The following PCNA variants were observed in gnomAD, a reference collection of about 807,000 sequenced individuals.
PCNA encodes proliferating cell nuclear antigen.
Under a neutral mutation model 27.8 loss-of-function variants are expected in PCNA, and 4 were observed. The observed-to-expected ratio is 0.14, with a 90% confidence interval of 0.07 to 0.33. PCNA has a LOEUF of 0.33. PCNA is among the 10% of genes least tolerant of loss of function. PCNA has a pLI of 1.00. For synonymous variants in PCNA, 121 were observed against 119.4 expected (o/e 1.01, Z -0.09); for missense variants, 165 against 327.4 (o/e 0.50, Z 3.83).
At chr20:5,124,715 T>C (rs1022286678), upstream of PCNA, among the ~76,000 whole-genome samples, 7 of 152,046 alleles carry the variant, frequency 4.6e-5, no homozygotes, top group Non-Finnish European at 7.4e-5. Context: ...TAAAGCCCTA[T>C]TAGCATCACT....
chr20:5,124,322 C>T (rs2090532991), upstream of PCNA, among the ~76,000 whole-genome samples: 3 of 152,080 alleles, frequency 2.0e-5, no homozygotes, highest in South Asian at 6.2e-4. Context: ...GGGGCATTTA[C>T]CAAGATCAAG....
Position 5,117,485 on chromosome 20 carries a change from A to G in PCNA, c.567T>C (p.Asp189=). The part of the protein sequence containing the change: ...NIKLSQTSNV[D]KEEEAVTIEM... ...AACTACTTACAGCTTCCTCCTCTTTATCGACATTACTTGTCTGTGACAATT... is the reference window on the plus strand; with the variant it reads ...AACTACTTACAGCTTCCTCCTCTTTGTCGACATTACTTGTCTGTGACAATT... Residue 189 remains aspartate (D), a synonymous_variant, in exon 4 of 6, where the codon GAT becomes GAC. Coordinates refer to ENST00000379143, the MANE Select transcript of PCNA (RefSeq NM_182649.2). 6.2e-7 allele frequency: 1 copy of G among 1,611,838 alleles called. No individual in the cohort carries two copies. The highest frequency in any genetic ancestry group is 8.5e-7 in the Non-Finnish European group (1 of 1,178,786).
At chr20:5,119,261 A>G (rs1600449154) in intron 1 of PCNA, among the ~76,000 whole-genome samples, 2 of 152,278 alleles carry the variant, frequency 1.3e-5, no homozygotes, top group East Asian at 3.9e-4. Flanking sequence ...GCCACAGCTA[A>G]AGCGTCCATT....
At chr20:5,123,744 TAAAG>T (rs1442577082), upstream of PCNA, among the ~76,000 whole-genome samples, 3 of 151,028 alleles carry the variant, frequency 2.0e-5, no homozygotes, top group East Asian at 3.9e-4. Flanking sequence ...AAATTCTAGA[TAAAG>T]AATTCAAATT....
At chr20:5,121,339 ATCTCC>A (rs1437338587), upstream of PCNA, 1 of 147,482 alleles carries the variant, frequency 6.8e-6, no homozygotes, top group Non-Finnish European at 1.5e-5. Context: ...GGCTTCAAAT[ATCTCC>A]TCTCCTTAGT....
At chr20:5,120,359 C>T (rs942637682), upstream of PCNA, among the ~76,000 whole-genome samples, 1 of 152,228 alleles carries the variant, frequency 6.6e-6, no homozygotes, top group Non-Finnish European at 1.5e-5. Flanking sequence ...AGTACAGCTG[C>T]TGCAAATATG....
In PCNA at chr20:5,119,921, A is replaced by T; in HGVS notation, c.-123T>A. The T allele has an allele frequency of 2.8e-6, 2 of 727,200 alleles. No homozygotes were observed. The highest frequency in any genetic ancestry group is 2.3e-6 in the Non-Finnish European group (1 of 431,398). 45.0% of individuals were successfully genotyped at this position (727,200 alleles called of 1,614,324 possible). On this transcript the variant is annotated 5_prime_UTR_variant, in exon 1 of 6. Coordinates refer to ENST00000379143, the MANE Select transcript of PCNA (RefSeq NM_182649.2). ...CGCGACGACCGGCTGAGACCTAGAA[A>T]GACAACGACCACTCTGCTACGCCTG...
chr20:5,120,895 C>T (rs2090514213), upstream of PCNA, among the ~76,000 whole-genome samples: 1 of 152,200 alleles, frequency 6.6e-6, no homozygotes, highest in African/African-American at 2.4e-5. Context: ...CAACCTCCGC[C>T]TCCCAGGTTC....
At position 5,115,413 on chromosome 20, in the gene PCNA, C is replaced by T. The variant is rs750897740; in HGVS notation, c.706+36G>A. On this transcript the variant is annotated intron_variant, in intron 5 of 5. Transcript: ENST00000379143. ...ACTGAGGAGTATGTATCACATATGACTACCTACAAAACAAGGTTCAAATTT... is the reference window on the plus strand; with the variant it reads ...ACTGAGGAGTATGTATCACATATGATTACCTACAAAACAAGGTTCAAATTT... 8.1e-6 allele frequency: 13 copies of T among 1,613,740 alleles called. No homozygotes were observed. The South Asian group carries it at 1.4e-4, about 18-fold the overall frequency.
At chr20:5,116,706 G>A (rs1354643819) in intron 4 of PCNA, among the ~76,000 whole-genome samples, 1 of 152,158 alleles carries the variant, frequency 6.6e-6, no homozygotes, top group Non-Finnish European at 1.5e-5. Flanking sequence ...AGGCTGGAGG[G>A]GAGTGGCATG....
chr20:5,124,346 GT>G (rs1270103507), upstream of PCNA, among the ~76,000 whole-genome samples: 2 of 152,122 alleles, frequency 1.3e-5, no homozygotes, highest in Non-Finnish European at 2.9e-5. Flanking sequence ...GCTTAAGAAT[GT>G]TTCTTGAGCC....
At chr20:5,124,233 G>A (rs906206464), upstream of PCNA, among the ~76,000 whole-genome samples, 1 of 152,152 alleles carries the variant, frequency 6.6e-6, no homozygotes, top group East Asian at 1.9e-4. Flanking sequence ...TTAGAAATGT[G>A]TATCAAAAGC....
chr20:5,122,869 A>G (rs1343169160), upstream of PCNA, among the ~76,000 whole-genome samples: 2 of 152,246 alleles, frequency 1.3e-5, no homozygotes, highest in African/African-American at 4.8e-5. Flanking sequence ...CACCATGTAC[A>G]TCAATCTGTT....
intron 3 of PCNA, 103 bp downstream of exon 3, chr20:5,118,507 G>A (rs2090491959): frequency 2.4e-6 from 2 of 832,214 alleles, no homozygotes; most frequent in Non-Finnish European, 3.9e-6. Flanking sequence ...CTCCAGCCTG[G>A]GCAACAGAGC....
chr20:5,124,795 G>A (rs1297533554), upstream of PCNA, among the ~76,000 whole-genome samples: 3 of 152,140 alleles, frequency 2.0e-5, no homozygotes, highest in Admixed American at 1.3e-4. Context: ...CCATTAACCT[G>A]AGAGGGCTGA....
chr20:5,118,655 A>G lies in PCNA; in HGVS notation c.342T>C (p.Tyr114=), dbSNP rs200835034. The G allele has an allele frequency of 4.3e-6, 7 of 1,613,802 alleles. No individual in the cohort carries two copies. Among genetic ancestry groups the G allele is most frequent in the African/African-American group, 1.3e-5 (1 of 75,056 alleles). ...CATCTAAATCCATCAACTTCATTTC[A>G]TAGTCTGAAACTTTCTCCTGGTCTA... The part of the protein sequence containing the change: ...EAPNQEKVSD[Y]EMKLMDLDVE... The change falls in exon 3 of 6, where the codon TAT becomes TAC. Residue 114 remains tyrosine, a synonymous_variant. Transcript: ENST00000379143.
In PCNA at chr20:5,115,088, C is replaced by T. The variant is rs2090466064; in HGVS notation, c.*195G>A. 2 of 489,266 alleles carry T rather than the reference C, an allele frequency of 4.1e-6. No homozygotes were observed. Among genetic ancestry groups the T allele is most frequent in the Admixed American group, 3.7e-5 (1 of 26,858 alleles). The allele number at this position is 489,266 out of a possible 1,614,324, so 30.3% of individuals were successfully genotyped here. ...AAAAATACTTCTAGGTTAACTAGAC[C>T]AGATCTGACTTTGGACTTTATTCTT... On this transcript the variant is annotated 3_prime_UTR_variant, in exon 6 of 6. Coordinates refer to ENST00000379143, the MANE Select transcript of PCNA (RefSeq NM_182649.2).
Position 5,119,892 on chromosome 20 carries a change from A to G in PCNA, c.-94T>C. 3 of 939,538 alleles carry G rather than the reference A, an allele frequency of 3.2e-6. No individual in the cohort carries two copies. The highest frequency in any genetic ancestry group is 4.9e-6 in the Non-Finnish European group (3 of 608,952). 58.2% of individuals were successfully genotyped at this position (939,538 alleles called of 1,614,324 possible). ...CAGGAGCCTCAGAGCGAGCGGGCGA[A>G]CGTCGCGACGACCGGCTGAGACCTA... On this transcript the variant is annotated 5_prime_UTR_variant, in exon 1 of 6. Coordinates refer to ENST00000379143, the MANE Select transcript of PCNA (RefSeq NM_182649.2).
upstream of PCNA, chr20:5,120,038 G>A (rs1030756061): frequency 1.5e-5 from 8 of 546,620 alleles, no homozygotes; most frequent in Admixed American, 3.1e-5. Flanking sequence ...CGGCCTTGCG[G>A]GGAAGACTTT....
Sources: allele counts gnomAD v4.1 joint callset (sites outside exome capture counted in the v4.1 genomes callset), GRCh38; gene constraint gnomAD v4.1.1; transcripts MANE v1.5; gene names NCBI Gene and HGNC (gene_info 2026-07-23, HGNC 2026-07-21).